Variants in XPA observed in about 807,000 individuals in gnomAD.
XPA encodes DNA repair protein complementing XP-A cells.
A neutral mutation model predicts 35.7 loss-of-function variants in XPA; 27 were observed. The ratio of observed to expected loss-of-function variants is 0.76; its 90% CI spans 0.56 to 1.04. XPA has a LOEUF of 1.04. XPA is among the 50% of genes least tolerant of loss of function. XPA has a pLI of 0.00. For missense variants in XPA, 354 were observed against 342.7 expected (o/e 1.03, Z -0.26); for synonymous variants, 133 against 118.4 (o/e 1.12, Z -0.80).
At chr9:97,676,433 G>C (rs1828367551) in intron 5 of XPA, among the ~76,000 whole-genome samples, 1 of 152,152 alleles carries the variant, frequency 6.6e-6, no homozygotes, top group Non-Finnish European at 1.5e-5. Flanking sequence ...TCTCACCAGT[G>C]ATCCACCCAG....
the XPA span, chr9:97,661,147 T>C: frequency 1.9e-6 from 3 of 1,564,574 alleles, no homozygotes; most frequent in Non-Finnish European, 2.6e-6. Flanking sequence ...GGCAACATGA[T>C]GCTCTTAAAG....
intron 5 of XPA, among the ~76,000 whole-genome samples, chr9:97,678,144 T>A (rs1198041884): frequency 6.6e-6 from 1 of 152,200 alleles, no homozygotes; most frequent in African/African-American, 2.4e-5. Flanking sequence ...CTCACGCCTA[T>A]AATTCTAGCA....
intron 4 of XPA, among the ~76,000 whole-genome samples, chr9:97,686,481 T>C (rs1265567812): frequency 1.3e-5 from 2 of 152,236 alleles, no homozygotes; most frequent in African/African-American, 4.8e-5. Context: ...TTGAAATTTT[T>C]CTTTTTTTAA....
Position 97,687,126 on chromosome 9 carries a change from C to T in XPA, c.525G>A (p.Trp175Ter). ...IVKKNPHHSQ[W>*]GDMKLYLKLQ... ...ACTTTAAGTAGAGTTTCATATCACC[C>T]CATTGTGAATGATGTGGATTCTTCT... The change falls in exon 4 of 6, where the codon TGG (tryptophan) becomes TGA (stop). Residue 175 changes from tryptophan to a stop codon, truncating the protein, a stop_gained. Transcript: ENST00000375128. LOFTEE classifies it high-confidence loss of function. The T allele has an allele frequency of 1.2e-6, 2 of 1,612,002 alleles. No individual in the cohort carries two copies. The highest frequency in any genetic ancestry group is 1.7e-6 in the Non-Finnish European group (2 of 1,179,406).
At position 97,693,673 on chromosome 9, in the gene XPA, T is replaced by C; in HGVS notation, c.259A>G (p.Ile87Val). ...CCTGGTTGATGAACAACTTTTCCAA[T>C]TTTCTGTTCTTCTTCTTCTTCCTCT... ...LEEEEEEEQK[I>V]GKVVHQPGPV... Residue 87 changes from isoleucine (I) to valine (V), a missense_variant, in exon 2 of 6, where the codon ATT (isoleucine) becomes GTT (valine). By Grantham distance (29) the Ile-to-Val change is conservative. Coordinates refer to ENST00000375128, the MANE Select transcript of XPA (RefSeq NM_000380.4). 3 of 1,613,580 alleles carry C rather than the reference T, an allele frequency of 1.9e-6. No individual in the cohort carries two copies. Among genetic ancestry groups the C allele is most frequent in the Admixed American group, 1.7e-5 (1 of 60,030 alleles).
chr9:97,694,389 T>C (rs1245395688), intron 1 of XPA, among the ~76,000 whole-genome samples: 1 of 152,224 alleles, frequency 6.6e-6, no homozygotes, highest in Non-Finnish European at 1.5e-5. Flanking sequence ...AGGACTCACA[T>C]TCAGAATACA....
chr9:97,666,351 A>C, the XPA span, among the ~76,000 whole-genome samples: 1 of 152,202 alleles, frequency 6.6e-6, no homozygotes, highest in African/African-American at 2.4e-5. Context: ...AAATAATATA[A>C]AGCATGGGAA....
At position 97,687,193 on chromosome 9, in the gene XPA, CA is replaced by C; in HGVS notation, c.457del (p.Cys153ValfsTer3). The C allele has an allele frequency of 6.2e-7, 1 of 1,611,728 alleles. No homozygotes were observed. The highest frequency in any genetic ancestry group is 8.5e-7 in the Non-Finnish European group (1 of 1,179,364). On this transcript the variant is annotated frameshift_variant, in exon 4 of 6. Transcript: ENST00000375128. LOFTEE classifies it high-confidence loss of function. ...EAKQEYLLKD[C>X]DLEKREPPLK... The stretch of plus-strand genomic sequence containing the variant: ...AGGTGGCTCTCTTTTTTCTAAATCA[CA>C]GTCTTTCAGAAGATATTCTTGTTTT...
At chr9:97,687,854 C>T (rs186340264) in intron 3 of XPA, among the ~76,000 whole-genome samples, 5 of 152,186 alleles carry the variant, frequency 3.3e-5, no homozygotes, top group Non-Finnish European at 5.9e-5. Context: ...TAGAGCCAAA[C>T]AGGTTTGGAA....
chr9:97,655,448 G>C, the XPA span, among the ~76,000 whole-genome samples: 4 of 151,764 alleles, frequency 2.6e-5, no homozygotes, highest in African/African-American at 9.7e-5. Context: ...AAAATAATAT[G>C]TACCTTGGAA....
At chr9:97,675,804 T>C (rs1234089870) in intron 5 of XPA, 2 of 602,958 alleles carry the variant, frequency 3.3e-6, no homozygotes, top group Admixed American at 2.8e-5. Flanking sequence ...AAGTTGTCAC[T>C]GGAGCAGTGT....
the XPA span, chr9:97,660,840 T>C: frequency 7.6e-7 from 1 of 1,319,306 alleles, no homozygotes; most frequent in Non-Finnish European, 1.0e-6. Flanking sequence ...GCATCCTATT[T>C]TGAAAGGAAG....
At chr9:97,668,716 G>A in the XPA span, 23 of 597,380 alleles carry the variant, frequency 3.9e-5, no homozygotes, top group East Asian at 4.8e-4. Flanking sequence ...GTGGCGGGGT[G>A]GGGGGGTACT....
chr9:97,680,854 G>A (rs1828518631), intron 5 of XPA, among the ~76,000 whole-genome samples: 1 of 152,166 alleles, frequency 6.6e-6, no homozygotes, highest in Non-Finnish European at 1.5e-5. Context: ...CCTGGGGTGG[G>A]TGCAGGTCCT....
chr9:97,694,666 G>A (rs1828989371), intron 1 of XPA, among the ~76,000 whole-genome samples: 1 of 152,156 alleles, frequency 6.6e-6, no homozygotes, highest in Non-Finnish European at 1.5e-5. Context: ...TGGTGAGATT[G>A]GAAACTGATA....
At chr9:97,655,677 G>T in the XPA span, 1 of 1,578,114 alleles carries the variant, frequency 6.3e-7, no homozygotes, top group African/African-American at 1.4e-5. Context: ...CTTTTTCTCT[G>T]CCTACCTCCC....
At chr9:97,671,407 A>G (rs140784778), downstream of XPA, 2 of 497,768 alleles carry the variant, frequency 4.0e-6, no homozygotes, top group African/African-American at 2.0e-5. Context: ...GACTATGACC[A>G]TGATATATTA....
At chr9:97,697,091 G>C (rs920381488) in intron 1 of XPA, 30 bp downstream of exon 1, 53 of 1,518,704 alleles carry the variant, frequency 3.5e-5, no homozygotes, top group Non-Finnish European at 4.7e-5. Flanking sequence ...GCGGGGAGAG[G>C]GAAGGGGAAA....
At chr9:97,695,741 T>C (rs543973444) in intron 1 of XPA, among the ~76,000 whole-genome samples, 7 of 152,322 alleles carry the variant, frequency 4.6e-5, no homozygotes, top group African/African-American at 1.4e-4. Context: ...GAAAATTGTA[T>C]AGTACCATGA....
Sources: allele counts gnomAD v4.1 joint callset (sites outside exome capture counted in the v4.1 genomes callset), GRCh38; gene constraint gnomAD v4.1.1; transcripts MANE v1.5; gene names NCBI Gene and HGNC (gene_info 2026-07-23, HGNC 2026-07-21).